FSD1L: variants seen among roughly 807,000 people sequenced by gnomAD.
FSD1L encodes the protein fibronectin type III and SPRY domain containing 1 like, also known as FSD1-like protein.
In FSD1L, 45 loss-of-function variants were observed where a neutral mutation model predicts 71.6. That is an observed-to-expected ratio of 0.63 (90% confidence interval 0.49 to 0.81). FSD1L has a LOEUF of 0.81. Among genes scored for constraint, FSD1L ranks in the 30% least tolerant of loss-of-function variants. FSD1L has a pLI of 0.00. For synonymous variants in FSD1L, 197 were observed against 207.2 expected, an observed-to-expected ratio of 0.95 and a Z score of 0.42; for missense variants, 561 against 618.1, an observed-to-expected ratio of 0.91 and a Z score of 0.98.
intron 7 of FSD1L, among the ~76,000 whole-genome samples, chr9:105,504,145 C>T (rs1162374477): frequency 1.3e-5 from 2 of 152,198 alleles, no homozygotes; most frequent in Non-Finnish European, 2.9e-5. Context: ...CATTTCCTTA[C>T]ATGTAGGCAT....
Position 105,468,180 on chromosome 9 carries a change from G to GT in FSD1L, c.208-7dup. ...CGCTTCAGTAAAATTGTTTTGTTTT[G>GT]TTTTTTAAACAGGAAAATTCGTCCA... On this transcript the variant is annotated splice_polypyrimidine_tract_variant and intron_variant, in intron 3 of 13. Coordinates refer to ENST00000481272, the MANE Select transcript of FSD1L (RefSeq NM_001145313.3). The GT allele has an allele frequency of 1.5e-6, 2 of 1,369,114 alleles. No homozygotes were observed. The highest frequency in any genetic ancestry group is 1.9e-6 in the Non-Finnish European group (2 of 1,058,666). 84.8% of individuals were successfully genotyped at this position (1,369,114 alleles called of 1,614,324 possible). A position where few individuals can be genotyped will look rare whatever the true frequency, so the allele number is the denominator to read the frequency against.
In FSD1L at chr9:105,509,353, A is replaced by G. The variant is rs190932701; in HGVS notation, c.895+638A>G. Among the ~76,000 whole-genome samples the G allele has an allele frequency of 2.0e-5, 3 of 152,324 alleles. No individual in the cohort carries two copies. In the East Asian group the frequency reaches 5.8e-4, roughly 29 times the overall value. On this transcript the variant is annotated intron_variant, in intron 9 of 13. Transcript: ENST00000481272. ...AGCCCTTACTATGAGCCTGGAACCT[A>G]GGTTCTTCTAGTCTCTGAAAGCAAT... is the stretch of plus-strand genomic sequence containing the variant.
chr9:105,484,535 T>TA lies in FSD1L; in HGVS notation c.586+37dup, dbSNP rs139418958. 6.1e-3 allele frequency: 8,405 copies of TA among 1,381,192 alleles called. 465 individuals carry two copies. The African/African-American group carries it at 0.11, about 19-fold the overall frequency. 85.6% of individuals were successfully genotyped at this position (1,381,192 alleles called of 1,614,324 possible). A position where few individuals can be genotyped will look rare whatever the true frequency, so the allele number is the denominator to read the frequency against. ...CATGTATTACATGTAAAGTTTTGTA[T>TA]AAAACTTTTTTTTTTCTACAAGATT... On this transcript the variant is annotated intron_variant, in intron 7 of 13. Coordinates refer to ENST00000481272, the MANE Select transcript of FSD1L (RefSeq NM_001145313.3).
At chr9:105,512,769 T>C in intron 9 of FSD1L, 38 bp from the exon 10 acceptor site, 1 of 1,199,934 alleles carries the variant, frequency 8.3e-7, no homozygotes, top group Non-Finnish European at 1.1e-6. Context: ...GGAGATATGC[T>C]ATATTTTAAA....
intron 10 of FSD1L, chr9:105,525,526 T>G (rs1835454375): frequency 1.9e-6 from 3 of 1,610,460 alleles, no homozygotes; most frequent in African/African-American, 1.3e-5. Context: ...AAAACCTCAG[T>G]CAGCATTTTA....
Position 105,547,381 on chromosome 9 carries a change from G to A in FSD1L, c.*898G>A, listed in dbSNP as rs1837067998. On this transcript the variant is annotated 3_prime_UTR_variant, in exon 14 of 14. Transcript: ENST00000481272. ...CTTATAGGAATCAAAGTTTATTAAA[G>A]TTACATAGAGGATTGAAAAATGTAT... 1.3e-5 allele frequency: 2 copies of A among 152,376 alleles called. No individual in the cohort carries two copies. The highest frequency in any genetic ancestry group is 4.8e-5 in the African/African-American group (2 of 41,408). 9.4% of individuals were successfully genotyped at this position (152,376 alleles called of 1,614,324 possible). A position where few individuals can be genotyped will look rare whatever the true frequency, so the allele number is the denominator to read the frequency against.
intron 7 of FSD1L, among the ~76,000 whole-genome samples, chr9:105,494,111 C>T (rs1433528966): frequency 6.6e-6 from 1 of 152,172 alleles, no homozygotes; most frequent in Non-Finnish European, 1.5e-5. Flanking sequence ...AACTTGGTTC[C>T]ATTCTCCCCG....
At chr9:105,471,728 A>T (rs947791997) in intron 4 of FSD1L, among the ~76,000 whole-genome samples, 176 bp from the exon 5 acceptor site, 2 of 134,420 alleles carry the variant, frequency 1.5e-5, no homozygotes, top group African/African-American at 7.0e-5. Flanking sequence ...CACGTTTTAT[A>T]TATATATATA....
At chr9:105,535,013 T>G in intron 11 of FSD1L, 54 bp from the exon 12 acceptor site, 2 of 1,536,790 alleles carry the variant, frequency 1.3e-6, no homozygotes, top group Non-Finnish European at 1.8e-6. Flanking sequence ...TAGGTAAAAC[T>G]GTGTGACTCA....
intron 13 of FSD1L, among the ~76,000 whole-genome samples, chr9:105,545,114 T>C (rs1481251282): frequency 6.6e-6 from 1 of 152,022 alleles, no homozygotes; most frequent in Non-Finnish European, 1.5e-5. Context: ...GAGCAGTGGT[T>C]TGTAGTTCTC....
chr9:105,524,165 A>AGT (rs1835357354), intron 10 of FSD1L: 1 of 1,612,266 alleles, frequency 6.2e-7, no homozygotes, highest in African/African-American at 1.3e-5. Context: ...TTTGTGAAGA[A>AGT]CTAGTCCATG....
intron 6 of FSD1L, among the ~76,000 whole-genome samples, chr9:105,482,380 A>G (rs536188956): frequency 2.6e-5 from 4 of 152,340 alleles, no homozygotes; most frequent in Admixed American, 6.5e-5. Context: ...GAGAGGGGTT[A>G]TGAAAGAGTC....
upstream of FSD1L, among the ~76,000 whole-genome samples, chr9:105,444,797 A>G (rs1029352411): frequency 6.6e-6 from 1 of 151,992 alleles, no homozygotes; most frequent in African/African-American, 2.4e-5. Flanking sequence ...CTTTTTTTGT[A>G]AACAATTTGC....
At chr9:105,520,047 C>T in intron 10 of FSD1L, 3 of 1,508,838 alleles carry the variant, frequency 2.0e-6, no homozygotes, top group Non-Finnish European at 1.8e-6. Context: ...GGCTAGTCTC[C>T]TCCCCGTCCA....
At chr9:105,522,645 A>C in intron 10 of FSD1L, 1 of 1,612,594 alleles carries the variant, frequency 6.2e-7, no homozygotes, top group Non-Finnish European at 8.5e-7. Flanking sequence ...AAGTAGCAGC[A>C]CTTCTGACAT....
At chr9:105,530,587 C>G in intron 10 of FSD1L, 1 of 691,376 alleles carries the variant, frequency 1.4e-6, no homozygotes, top group South Asian at 1.6e-5. Context: ...TGAAATTTTT[C>G]TCTTTATTTG....
Position 105,535,389 on chromosome 9 carries a change from C to T in FSD1L, c.1378+71C>T, listed in dbSNP as rs1014329845. The T allele has an allele frequency of 3.5e-6, 5 of 1,435,412 alleles. No homozygotes were observed. In the African/African-American group the frequency reaches 7.1e-5, roughly 20 times the overall value. The allele number at this position is 1,435,412 out of a possible 1,614,324, so 88.9% of individuals were successfully genotyped here. ...TTCAGTACCTTTCACTGGTAATCAT[C>T]TATACAGGATTTCCATTAGTATTGT... On this transcript the variant is annotated intron_variant, in intron 12 of 13. Transcript: ENST00000481272.
chr9:105,511,187 TATCTA>T (rs1305404694), intron 9 of FSD1L, among the ~76,000 whole-genome samples: 5 of 147,728 alleles, frequency 3.4e-5, no homozygotes, highest in African/African-American at 1.3e-4. Context: ...TCAATGGTAC[TATCTA>T]TTTTTTTTTT....
At chr9:105,481,141 CTGTG>C (rs376069658) in intron 6 of FSD1L, among the ~76,000 whole-genome samples, 3,160 of 81,480 alleles carry the variant, frequency 0.039, 97 homozygotes, top group African/African-American at 0.079. Context: ...CAGGCAAACT[CTGTG>C]TGTGTGTGTG....
Sources: gnomAD v4.1 joint callset for allele counts (sites outside exome capture counted in the v4.1 genomes callset) on GRCh38, gnomAD v4.1.1 for gene constraint, MANE v1.5 for transcripts, NCBI Gene and HGNC (gene_info 2026-07-23, HGNC 2026-07-21) for gene names.